SLC44A5: variants seen among roughly 807,000 people sequenced by gnomAD.
The protein encoded by SLC44A5 is solute carrier family 44 member 5, also known as choline transporter-like protein 5.
SLC44A5 carries 57 observed loss-of-function variants against 101.8 expected under a neutral mutation model. That is an observed-to-expected ratio of 0.56 (90% confidence interval 0.45 to 0.70). SLC44A5 has a LOEUF of 0.70. SLC44A5 is among the 30% of genes least tolerant of loss of function. SLC44A5 has a pLI of 0.00. For synonymous variants in SLC44A5, 281 were observed against 290.9 expected, an observed-to-expected ratio of 0.97 and a Z score of 0.35; for missense variants, 737 against 853.1, an observed-to-expected ratio of 0.86 and a Z score of 1.70.
intron 2 of SLC44A5, among the ~76,000 whole-genome samples, chr1:75,442,835 C>A (rs1235688609): frequency 6.6e-6 from 1 of 152,174 alleles, no homozygotes; most frequent in Non-Finnish European, 1.5e-5. Context: ...ATTTTCAACA[C>A]AGTCCACATG....
intron 17 of SLC44A5, 135 bp downstream of exon 17, chr1:75,218,355 T>G: frequency 8.2e-7 from 1 of 1,213,394 alleles, no homozygotes; most frequent in Middle Eastern, 2.2e-4. Flanking sequence ...ACAAAACCAA[T>G]GGGCATCCAT....
intron 1 of SLC44A5, among the ~76,000 whole-genome samples, chr1:75,542,257 A>G (rs769878027): frequency 2.6e-5 from 4 of 152,128 alleles, no homozygotes; most frequent in Middle Eastern, 3.2e-3. Flanking sequence ...TACCATTAAT[A>G]TGTTAATGAC....
At chr1:75,463,505 C>T (rs1487392791) in intron 2 of SLC44A5, among the ~76,000 whole-genome samples, 2 of 150,854 alleles carry the variant, frequency 1.3e-5, no homozygotes, top group Non-Finnish European at 2.9e-5. Flanking sequence ...ATATGTCGGG[C>T]AGCAGATTTT....
intron 4 of SLC44A5, among the ~76,000 whole-genome samples, chr1:75,305,744 A>T (rs1470742118): frequency 6.6e-6 from 1 of 152,210 alleles, no homozygotes; most frequent in Non-Finnish European, 1.5e-5. Flanking sequence ...AACCGTTAAC[A>T]ATGTTTCCAT....
At chr1:75,557,210 G>A (rs542314105) in intron 1 of SLC44A5, among the ~76,000 whole-genome samples, 16 of 152,154 alleles carry the variant, frequency 1.1e-4, no homozygotes, top group African/African-American at 7.2e-5. Context: ...AATGTTATAC[G>A]AATAAAGTTC....
At chr1:75,210,884 T>G (rs1033771515) in intron 23 of SLC44A5, among the ~76,000 whole-genome samples, 1 of 152,198 alleles carries the variant, frequency 6.6e-6, no homozygotes, top group African/African-American at 2.4e-5. Flanking sequence ...TTATCCAACT[T>G]TATTGAGATA....
intron 5 of SLC44A5, among the ~76,000 whole-genome samples, chr1:75,275,294 T>A (rs1161425711): frequency 2.6e-5 from 4 of 152,148 alleles, no homozygotes; most frequent in African/African-American, 9.7e-5. Flanking sequence ...GTAATGCACT[T>A]AGAAAATGAC....
At chr1:75,626,270 G>A in the SLC44A5 span, among the ~76,000 whole-genome samples, 59 of 152,108 alleles carry the variant, frequency 3.9e-4, no homozygotes, top group Non-Finnish European at 4.6e-4. Context: ...GAGAGAAGGA[G>A]AACAGGGCAC....
chr1:75,496,930 A>G (rs1444839857), intron 2 of SLC44A5, among the ~76,000 whole-genome samples: 1 of 152,140 alleles, frequency 6.6e-6, no homozygotes, highest in Non-Finnish European at 1.5e-5. Context: ...AACCACAATG[A>G]GATATCACTT....
At chr1:75,225,034 G>A (rs1647168582) in intron 13 of SLC44A5, among the ~76,000 whole-genome samples, 1 of 152,126 alleles carries the variant, frequency 6.6e-6, no homozygotes, top group Non-Finnish European at 1.5e-5. Context: ...CTACAGTAGT[G>A]TACAGTAATT....
intron 2 of SLC44A5, among the ~76,000 whole-genome samples, chr1:75,523,814 G>A (rs896149135): frequency 6.6e-6 from 1 of 152,142 alleles, no homozygotes; most frequent in African/African-American, 2.4e-5. Context: ...AATGCTACTG[G>A]CATCTAAGAA....
chr1:75,444,413 A>G (rs558400492), intron 2 of SLC44A5, among the ~76,000 whole-genome samples: 7 of 149,422 alleles, frequency 4.7e-5, no homozygotes, highest in Non-Finnish European at 8.9e-5. Flanking sequence ...GAGAAAGAGA[A>G]AGAGAGAGAG....
chr1:75,296,484 C>T (rs367638378), intron 5 of SLC44A5, among the ~76,000 whole-genome samples: 2 of 151,858 alleles, frequency 1.3e-5, no homozygotes, highest in Non-Finnish European at 2.9e-5. Context: ...GATCTCATCA[C>T]CTAAGTCAGG....
intron 2 of SLC44A5, chr1:75,521,660 A>T (rs766102244): frequency 9.2e-5 from 14 of 152,370 alleles, no homozygotes; most frequent in Admixed American, 9.2e-4. Flanking sequence ...ATTCTCCGGA[A>T]TTTTTTGCTT....
chr1:75,509,796 G>A (rs1339568361), intron 2 of SLC44A5, among the ~76,000 whole-genome samples: 2 of 152,120 alleles, frequency 1.3e-5, no homozygotes, highest in African/African-American at 4.8e-5. Context: ...AGATTATAGG[G>A]CTTACAATTA....
chr1:75,209,887 A>T (rs1646819598), intron 23 of SLC44A5, among the ~76,000 whole-genome samples: 1 of 152,058 alleles, frequency 6.6e-6, no homozygotes, highest in South Asian at 2.1e-4. Flanking sequence ...ATCTCTCAGG[A>T]TGTGTAGTTG....
At chr1:75,527,051 C>T (rs1464394480) in intron 2 of SLC44A5, among the ~76,000 whole-genome samples, 1 of 151,168 alleles carries the variant, frequency 6.6e-6, no homozygotes, top group African/African-American at 2.4e-5. Flanking sequence ...AGGAGAATCG[C>T]TTGAAGCTGG....
chr1:75,478,563 C>T (rs1570401535), intron 2 of SLC44A5, among the ~76,000 whole-genome samples: 1 of 151,772 alleles, frequency 6.6e-6, no homozygotes, highest in East Asian at 1.9e-4. Context: ...GAAGATCTAC[C>T]AAGCAAATGG....
intron 2 of SLC44A5, among the ~76,000 whole-genome samples, chr1:75,476,655 C>A (rs979562938): frequency 7.9e-5 from 12 of 152,244 alleles, no homozygotes; most frequent in Non-Finnish European, 5.9e-5. Flanking sequence ...ATTGCTAGCA[C>A]AGCAGTCTGA....
Sources: allele counts gnomAD v4.1 joint callset (sites outside exome capture counted in the v4.1 genomes callset), GRCh38; gene constraint gnomAD v4.1.1; transcripts MANE v1.5; gene names NCBI Gene and HGNC (gene_info 2026-07-23, HGNC 2026-07-21).